Variants in FREM1 observed in about 807,000 individuals in gnomAD.
FREM1 encodes the protein FRAS1 related extracellular matrix 1, also known as FRAS1-related extracellular matrix protein 1.
A neutral mutation model predicts 210.1 loss-of-function variants in FREM1; 220 were observed. The ratio of observed to expected loss-of-function variants is 1.05; its 90% CI spans 0.94 to 1.17. FREM1 has a LOEUF of 1.17. Ranked by LOEUF, FREM1 falls within the 50% of genes most tolerant of loss-of-function variation. The pLI is 0.00. For synonymous variants in FREM1, 1,189 were observed against 980.2 expected (o/e 1.21, Z -3.98); for missense variants, 3,454 against 2,675.5 (o/e 1.29, Z -6.42).
chr9:14,840,909 C>A (rs112761930), intron 10 of FREM1, among the ~76,000 whole-genome samples: 2,170 of 152,298 alleles, frequency 0.014, 59 homozygotes, highest in African/African-American at 0.049. Context: ...ACTCTTAGAT[C>A]TTTAAAGACA....
intron 3 of FREM1, among the ~76,000 whole-genome samples, chr9:14,861,234 T>C (rs940756242): frequency 4.9e-5 from 5 of 103,044 alleles, no homozygotes; most frequent in Non-Finnish European, 7.4e-5. Flanking sequence ...TATATACACA[T>C]ATATACACAC....
At position 14,812,796 on chromosome 9, in the gene FREM1, C is replaced by A; in HGVS notation, c.2893+16G>T. 6.3e-7 allele frequency: 1 copy of A among 1,587,796 alleles called. No individual in the cohort carries two copies. The highest frequency in any genetic ancestry group is 1.8e-4 in the Middle Eastern group (1 of 5,522). ...GTTGCTTGCATTCCCTCACTGGTCA[C>A]CATGCTGCTGCTTACCTGTGTGTTT... On this transcript the variant is annotated intron_variant, in intron 16 of 36. Coordinates refer to ENST00000380880, the MANE Select transcript of FREM1 (RefSeq NM_001379081.2).
In FREM1 at chr9:14,776,022, G is replaced by C. The variant is rs1486157822; in HGVS notation, c.4624C>G (p.Leu1542Val). The C allele has an allele frequency of 1.9e-6, 3 of 1,613,902 alleles. No individual in the cohort carries two copies. Among genetic ancestry groups the C allele is most frequent in the Admixed American group, 1.7e-5 (1 of 60,012 alleles). The change falls in exon 25 of 37, where the codon CTC becomes GTC. Residue 1542 changes from leucine (L) to valine (V), a missense_variant. Physicochemically the swap from Leu to Val is conservative, Grantham distance 32 (BLOSUM62 1). Coordinates refer to ENST00000380880, the MANE Select transcript of FREM1 (RefSeq NM_001379081.2). ...LTDPDTPAEN[L>V]TFLLVQLPQH... is the part of the protein sequence containing the mutation. ...GGGAGCTGAACCAAGAGGAAGGTGA[G>C]GTTCTCCGCAGGTGTATCAGGGTCG...
chr9:14,746,297 A>C, intron 35 of FREM1, 56 bp downstream of exon 35: 1 of 1,249,284 alleles, frequency 8.0e-7, no homozygotes, highest in South Asian at 1.3e-5. Context: ...TTCCATGAGC[A>C]AATAGAGAAA....
rs34499233 is a variant in FREM1 at position 14,807,674 on chromosome 9, G to GACACAC, written c.3088+260_3088+265dup. The stretch of plus-strand genomic sequence containing the variant: ...GTCCTTGTCCCAACACACACACAAA[G>GACACAC]ACACACACACACACACACACACACC... On this transcript the variant is annotated intron_variant, in intron 17 of 36. Transcript: ENST00000380880. 2.8e-4 allele frequency among the ~76,000 whole-genome samples: 42 copies of GACACAC among 149,726 alleles called. 2 individuals are homozygous for GACACAC. Among genetic ancestry groups the GACACAC allele is most frequent in the East Asian group, 2.4e-3 (12 of 5,086 alleles).
At chr9:14,835,591 G>A (rs1824415738) in intron 10 of FREM1, among the ~76,000 whole-genome samples, 1 of 152,190 alleles carries the variant, frequency 6.6e-6, no homozygotes, top group Non-Finnish European at 1.5e-5. Context: ...TGGAAGCTAT[G>A]AGTTTATCTT....
intron 23 of FREM1, among the ~76,000 whole-genome samples, chr9:14,786,289 T>C (rs1850414469): frequency 6.6e-6 from 1 of 152,216 alleles, no homozygotes; most frequent in Admixed American, 6.5e-5. Flanking sequence ...CACTGCATTA[T>C]TTTGTTCCCT....
intron 10 of FREM1, among the ~76,000 whole-genome samples, chr9:14,835,110 C>G (rs1348748770): frequency 1.3e-5 from 2 of 152,120 alleles, no homozygotes; most frequent in Admixed American, 1.3e-4. Context: ...AAATATCAAG[C>G]AAAACAAAAT....
At chr9:14,751,927 T>G (rs1843467449) in intron 29 of FREM1, 3 of 151,346 alleles carry the variant, frequency 2.0e-5, no homozygotes, top group Non-Finnish European at 4.4e-5. Context: ...GACAGCTAAT[T>G]TATTAAGCTT....
At chr9:14,744,410 A>G (rs906953523) in intron 35 of FREM1, among the ~76,000 whole-genome samples, 9 of 152,106 alleles carry the variant, frequency 5.9e-5, no homozygotes, top group Admixed American at 5.2e-4. Flanking sequence ...TAGTCATTCC[A>G]CAATCTTACC....
intron 27 of FREM1, among the ~76,000 whole-genome samples, chr9:14,767,605 T>C (rs1325554378): frequency 1.3e-5 from 2 of 152,170 alleles, no homozygotes; most frequent in Non-Finnish European, 2.9e-5. Context: ...GTAATTTATA[T>C]TGTACCTGTA....
intron 1 of FREM1, among the ~76,000 whole-genome samples, chr9:14,895,814 AG>A (rs1306402021): frequency 6.6e-6 from 1 of 152,100 alleles, no homozygotes; most frequent in Non-Finnish European, 1.5e-5. Context: ...AGATCCTCAT[AG>A]TTAGGCAGGA....
At chr9:14,792,681 A>G (rs951305156) in intron 22 of FREM1, 62 bp downstream of exon 22, 11 of 1,236,702 alleles carry the variant, frequency 8.9e-6, no homozygotes, top group Non-Finnish European at 1.2e-5. Flanking sequence ...AGAAATGTGT[A>G]TATTGAGAAG....
At chr9:14,817,770 T>C (rs1588151108) in intron 14 of FREM1, among the ~76,000 whole-genome samples, 1 of 152,150 alleles carries the variant, frequency 6.6e-6, no homozygotes, top group Non-Finnish European at 1.5e-5. Context: ...GGAACTGAGG[T>C]TGAGGATTCC....
At chr9:14,744,202 AG>A (rs574245554) in intron 35 of FREM1, among the ~76,000 whole-genome samples, 200 of 152,270 alleles carry the variant, frequency 1.3e-3, no homozygotes, top group Non-Finnish European at 2.3e-3. Context: ...TGGTTTAACT[AG>A]TTTTTGAACA....
At position 14,860,739 on chromosome 9, in the gene FREM1, A is replaced by G. The variant is rs1301511704; in HGVS notation, c.330-1255T>C. Reference sequence around the variant, plus strand: ...TATACACATATATACACATATATACACATATATATGCACATATATATGCAC... The same window carrying G: ...TATACACATATATACACATATATACGCATATATATGCACATATATATGCAC... On this transcript the variant is annotated intron_variant, in intron 3 of 36. Transcript: ENST00000380880. Among the ~76,000 whole-genome samples, 28 of 132,626 alleles carry G rather than the reference A, an allele frequency of 2.1e-4. 2 individuals are homozygous for G. Among genetic ancestry groups the G allele is most frequent in the African/African-American group, 5.6e-4 (18 of 31,988 alleles). 87.0% of individuals were successfully genotyped at this position (132,626 alleles called of 152,430 possible).
At chr9:14,876,896 G>A (rs10810277) in intron 1 of FREM1, among the ~76,000 whole-genome samples, 82,352 of 152,054 alleles carry the variant, frequency 0.54, 24,949 homozygotes, top group African/African-American at 0.82. Context: ...GGCATCTAAC[G>A]CAACAGCACA....
chr9:14,884,352 CT>C (rs1355485945), intron 1 of FREM1, among the ~76,000 whole-genome samples: 1 of 152,236 alleles, frequency 6.6e-6, no homozygotes, highest in Non-Finnish European at 1.5e-5. Context: ...CAGTTCTGCT[CT>C]CCCTGACCAT....
Position 14,873,541 on chromosome 9 carries a change from A to C in FREM1, c.-267-4297T>G, listed in dbSNP as rs529377737. 1.4e-4 allele frequency among the ~76,000 whole-genome samples: 20 copies of C among 140,690 alleles called. 1 individual carries two copies. Among genetic ancestry groups the C allele is most frequent in the Admixed American group, 2.2e-4 (3 of 13,938 alleles). The allele number at this position is 140,690 out of a possible 152,430, so 92.3% of individuals were successfully genotyped here. A position where few individuals can be genotyped will look rare whatever the true frequency, so the allele number is the denominator to read the frequency against. On this transcript the variant is annotated intron_variant, in intron 1 of 36. Transcript: ENST00000380880. The stretch of plus-strand genomic sequence containing the variant: ...TCCACAATATCATTTTTTATTGCAT[A>C]TATTTGATTCTTCTCTCTTTTCTTC...
Sources: allele counts gnomAD v4.1 joint callset (sites outside exome capture counted in the v4.1 genomes callset), GRCh38; gene constraint gnomAD v4.1.1; transcripts MANE v1.5; gene names NCBI Gene and HGNC (gene_info 2026-07-23, HGNC 2026-07-21).